The following FBXO22 variants were observed in gnomAD, a reference collection of about 807,000 sequenced individuals.
FBXO22 encodes F-box protein 22.
A neutral mutation model predicts 37.2 loss-of-function variants in FBXO22; 13 were observed. That is an observed-to-expected ratio of 0.35 (90% CI 0.23 to 0.56). The LOEUF (loss-of-function observed/expected upper bound fraction) is 0.56. Among genes scored for constraint, FBXO22 ranks in the 20% least tolerant of loss-of-function variants. The probability of loss-of-function intolerance (pLI) is 0.87; values close to 1 mark genes in which losing one functional copy is unlikely to be tolerated. For synonymous variants in FBXO22, 189 were observed against 189.1 expected (o/e 1.00, Z 0.00); for missense variants, 446 against 509.9 (o/e 0.87, Z 1.21).
At chr15:75,917,045 T>A (rs917044993) in intron 4 of FBXO22, among the ~76,000 whole-genome samples, 185 bp from the exon 5 acceptor site, 1 of 152,172 alleles carries the variant, frequency 6.6e-6, no homozygotes, top group African/African-American at 2.4e-5. Flanking sequence ...TTATAAAAAA[T>A]TTCTTTCTGA....
In FBXO22 at chr15:75,930,964, C is replaced by G. The variant is rs1044139759; in HGVS notation, c.794+915C>G. 6.3e-6 allele frequency: 4 copies of G among 636,302 alleles called. No homozygotes were observed. The African/African-American group carries it at 8.0e-5, about 13-fold the overall frequency. 39.4% of individuals were successfully genotyped at this position (636,302 alleles called of 1,614,324 possible). A position where few individuals can be genotyped will look rare whatever the true frequency, so the allele number is the denominator to read the frequency against. ...TGGGAAAATAGCTAAAGTTGAGGTC[C>G]CTGGACTGCCAGGGAGGAGGAAGAG... On this transcript the variant is annotated intron_variant, in intron 6 of 6. Coordinates refer to ENST00000308275, the MANE Select transcript of FBXO22 (RefSeq NM_147188.3).
In FBXO22 at chr15:75,930,066, T is replaced by G; in HGVS notation, c.794+17T>G. 6.2e-7 allele frequency: 1 copy of G among 1,613,758 alleles called. No homozygotes were observed. The highest frequency in any genetic ancestry group is 8.5e-7 in the Non-Finnish European group (1 of 1,179,660). On this transcript the variant is annotated intron_variant, in intron 6 of 6. Transcript: ENST00000308275. Reference sequence around the variant, plus strand: ...TTCTGAAAAGTATGTCTTGTGTGCTTCTGATTTCGTCTGTGAATGAAGGGA... The same window carrying G: ...TTCTGAAAAGTATGTCTTGTGTGCTGCTGATTTCGTCTGTGAATGAAGGGA...
At chr15:75,924,857 C>T (rs563977411) in intron 5 of FBXO22, among the ~76,000 whole-genome samples, 8 of 152,330 alleles carry the variant, frequency 5.3e-5, no homozygotes, top group African/African-American at 1.9e-4. Context: ...TTGACTCACA[C>T]CTGGGATCCT....
chr15:75,904,222 G>T lies in FBXO22; in HGVS notation c.140+119G>T, dbSNP rs1422020790. The T allele has an allele frequency of 8.1e-6, 11 of 1,361,010 alleles. No homozygotes were observed. The African/African-American group carries it at 1.5e-4, about 18-fold the overall frequency. 84.3% of individuals were successfully genotyped at this position (1,361,010 alleles called of 1,614,324 possible). ...CACCAGGGCCGTCCCCGGCTCGCTC[G>T]CCCTACCTGAGGTGACCCCCTACCC... On this transcript the variant is annotated intron_variant, in intron 1 of 6. Transcript: ENST00000308275.
Position 75,903,910 on chromosome 15 carries a change from G to A in FBXO22, c.-54G>A. On this transcript the variant is annotated 5_prime_UTR_variant, in exon 1 of 7. Coordinates refer to ENST00000308275, the MANE Select transcript of FBXO22 (RefSeq NM_147188.3). ...GCCGGCCGGGCAACCCTATGCTGGCGTAATCGGGTTCCTCCGAGCCGCCGT... is the reference window on the plus strand; with the variant it reads ...GCCGGCCGGGCAACCCTATGCTGGCATAATCGGGTTCCTCCGAGCCGCCGT... 1 of 1,449,014 alleles carries A rather than the reference G, an allele frequency of 6.9e-7. No homozygotes were observed. The highest frequency in any genetic ancestry group is 9.1e-7 in the Non-Finnish European group (1 of 1,096,564). 89.8% of individuals were successfully genotyped at this position (1,449,014 alleles called of 1,614,324 possible).
chr15:75,913,764 C>T (rs942855978), intron 3 of FBXO22, among the ~76,000 whole-genome samples: 3 of 152,094 alleles, frequency 2.0e-5, no homozygotes, highest in Non-Finnish European at 2.9e-5. Flanking sequence ...ATCCAGGTGA[C>T]TGTTGATGCA....
At chr15:75,904,683 T>G in intron 2 of FBXO22, 54 bp downstream of exon 2, 1 of 1,514,242 alleles carries the variant, frequency 6.6e-7, no homozygotes, top group Non-Finnish European at 8.8e-7. Flanking sequence ...GGTTCAGTCT[T>G]TGAGAACTAT....
rs1316326320 is a variant in FBXO22 at position 75,903,939 on chromosome 15, A to G, written c.-25A>G. 7 of 1,522,862 alleles carry G rather than the reference A, an allele frequency of 4.6e-6. No homozygotes were observed. In the Admixed American group the frequency reaches 1.4e-4, roughly 30 times the overall value. 94.3% of individuals were successfully genotyped at this position (1,522,862 alleles called of 1,614,324 possible). The stretch of plus-strand genomic sequence containing the variant: ...TCGGGTTCCTCCGAGCCGCCGTAGG[A>G]CTGGTTCCGGCGGGCTGGTGAGGAA... On this transcript the variant is annotated 5_prime_UTR_variant, in exon 1 of 7. Coordinates refer to ENST00000308275, the MANE Select transcript of FBXO22 (RefSeq NM_147188.3).
At chr15:75,915,825 G>A (rs909102442) in intron 4 of FBXO22, among the ~76,000 whole-genome samples, 9 of 151,692 alleles carry the variant, frequency 5.9e-5, no homozygotes, top group Non-Finnish European at 1.2e-4. Flanking sequence ...GCTTGAGCCC[G>A]GGAGGCAGAG....
Position 75,904,005 on chromosome 15 carries a change from C to A in FBXO22, c.42C>A (p.Ser14=), listed in dbSNP as rs566243164. The change falls in exon 1 of 7, where the codon TCC becomes TCA. Residue 14 remains serine (S), a synonymous_variant. Transcript: ENST00000308275. The part of the protein sequence containing the change: ...VGCCGECRGS[S]VDPRSTFVLS... ...GCTGCGGCGAGTGCCGCGGCTCCTC[C>A]GTAGACCCGCGGAGCACCTTCGTGT... 2.7e-4 allele frequency: 431 copies of A among 1,580,894 alleles called. 6 individuals carry two copies. In the South Asian group the frequency reaches 4.8e-3, roughly 18 times the overall value.
At position 75,933,231 on chromosome 15, in the gene FBXO22, T is replaced by TCTC. The variant is rs1430140800; in HGVS notation, c.*131_*132insCCT. 4 of 750,030 alleles carry TCTC rather than the reference T, an allele frequency of 5.3e-6. No homozygotes were observed. The highest frequency in any genetic ancestry group is 2.1e-6 in the Non-Finnish European group (1 of 470,630). 46.5% of individuals were successfully genotyped at this position (750,030 alleles called of 1,614,324 possible). On this transcript the variant is annotated 3_prime_UTR_variant, in exon 7 of 7. Transcript: ENST00000308275. ...TCTTTTTTGTAGCTTTGATTGATGC[T>TCTC]CTAAGATCACATGAGGGTAGTATTT...
At chr15:75,904,277 G>C (rs1899868663) in intron 1 of FBXO22, 174 bp downstream of exon 1, 1 of 1,128,226 alleles carries the variant, frequency 8.9e-7, no homozygotes, top group Non-Finnish European at 1.2e-6. Flanking sequence ...TGGTGCCCCG[G>C]GGGGACTTCC....
rs1428146976 is a variant in FBXO22, at chr15:75,938,633, C to T, written c.*5531C>T. On this transcript the variant is annotated 3_prime_UTR_variant, in exon 7 of 7. Coordinates refer to ENST00000308275, the MANE Select transcript of FBXO22 (RefSeq NM_147188.3). ...AGAAAAGTATAATAAATGAAATTTT[C>T]ACTACAGGGGTTCAGCAGCAGATAT... The T allele has an allele frequency of 6.6e-6, 1 of 152,108 alleles. No individual in the cohort carries two copies. The highest frequency in any genetic ancestry group is 1.5e-5 in the Non-Finnish European group (1 of 68,022). The allele number at this position is 152,108 out of a possible 1,614,324, so 9.4% of individuals were successfully genotyped here.
chr15:75,933,111 G>T lies in FBXO22; in HGVS notation c.*9G>T. 1 of 1,581,048 alleles carries T rather than the reference G, an allele frequency of 6.3e-7. No individual in the cohort carries two copies. The highest frequency in any genetic ancestry group is 8.6e-7 in the Non-Finnish European group (1 of 1,165,512). On this transcript the variant is annotated 3_prime_UTR_variant, in exon 7 of 7. Coordinates refer to ENST00000308275, the MANE Select transcript of FBXO22 (RefSeq NM_147188.3). ...TGGGGTCATCTAAATAATAATTAAA[G>T]TGGCTTTCATAATATGTAACTTTTG...
At chr15:75,906,204 C>T (rs892141281) in intron 2 of FBXO22, among the ~76,000 whole-genome samples, 6 of 152,042 alleles carry the variant, frequency 3.9e-5, no homozygotes, top group Admixed American at 2.6e-4. Context: ...ATGTTCTAAG[C>T]TTGTCTTGGG....
In FBXO22 at chr15:75,941,559, T is replaced by C. The variant is rs967986852; in HGVS notation, c.*8457T>C. 1 of 152,198 alleles carries C rather than the reference T, an allele frequency of 6.6e-6. No individual in the cohort carries two copies. The highest frequency in any genetic ancestry group is 2.4e-5 in the African/African-American group (1 of 41,450). 9.4% of individuals were successfully genotyped at this position (152,198 alleles called of 1,614,324 possible). On this transcript the variant is annotated 3_prime_UTR_variant, in exon 7 of 7. Transcript: ENST00000308275. ...CAGATGAATGGATAGACAAAATGTG[T>C]TATATCCATACAATGGAATATTATT...
rs2030718969 is a variant in FBXO22, at chr15:75,939,511, C to G, written c.*6409C>G. On this transcript the variant is annotated 3_prime_UTR_variant, in exon 7 of 7. Coordinates refer to ENST00000308275, the MANE Select transcript of FBXO22 (RefSeq NM_147188.3). Reference sequence around the variant, plus strand: ...TAAGAAGAAATAACCCCAATCCCTTCTAACTTTTCCCAAAAATTGAAGAGG... The same window carrying G: ...TAAGAAGAAATAACCCCAATCCCTTGTAACTTTTCCCAAAAATTGAAGAGG... The G allele has an allele frequency of 6.6e-6, 1 of 152,160 alleles. No individual in the cohort carries two copies. The highest frequency in any genetic ancestry group is 2.1e-4 in the South Asian group (1 of 4,834). The allele number at this position is 152,160 out of a possible 1,614,324, so 9.4% of individuals were successfully genotyped here.
At chr15:75,924,405 A>G (rs1401722865) in intron 5 of FBXO22, among the ~76,000 whole-genome samples, 1 of 152,308 alleles carries the variant, frequency 6.6e-6, no homozygotes, top group Non-Finnish European at 1.5e-5. Flanking sequence ...ACAGTCTTAC[A>G]TGGGATGTCA....
In FBXO22 at chr15:75,936,222, C is replaced by A. The variant is rs997957282; in HGVS notation, c.*3120C>A. 2.0e-5 allele frequency: 3 copies of A among 152,178 alleles called. No individual in the cohort carries two copies. In the East Asian group the frequency reaches 5.8e-4, roughly 29 times the overall value. 9.4% of individuals were successfully genotyped at this position (152,178 alleles called of 1,614,324 possible). Reference sequence around the variant, plus strand: ...TTAATGGGAACAGAAGACTCCAGATCCTCTTGATGGGAAGAAATCATGAAA... The same window carrying A: ...TTAATGGGAACAGAAGACTCCAGATACTCTTGATGGGAAGAAATCATGAAA... On this transcript the variant is annotated 3_prime_UTR_variant, in exon 7 of 7. Transcript: ENST00000308275.
Sources: gnomAD v4.1 joint callset for allele counts (sites outside exome capture counted in the v4.1 genomes callset) on GRCh38, gnomAD v4.1.1 for gene constraint, MANE v1.5 for transcripts, NCBI Gene and HGNC (gene_info 2026-07-23, HGNC 2026-07-21) for gene names.